Variants in PRKACA observed in about 807,000 individuals in gnomAD.
PRKACA encodes the protein protein kinase cAMP-activated catalytic subunit alpha.
Under a neutral mutation model 45.8 loss-of-function variants are expected in PRKACA, and 9 were observed. The observed-to-expected ratio is 0.20, with a 90% CI of 0.12 to 0.34. The LOEUF is 0.34. Among genes scored for constraint, PRKACA ranks in the 10% least tolerant of loss-of-function variants. The pLI is 1.00. For synonymous variants in PRKACA, 160 were observed against 178.6 expected (o/e 0.90, Z 0.83); for missense variants, 238 against 458.6 (o/e 0.52, Z 4.39).
chr19:14,104,247 G>C (rs1977533376), intron 3 of PRKACA, among the ~76,000 whole-genome samples: 1 of 148,366 alleles, frequency 6.7e-6, no homozygotes, highest in East Asian at 2.1e-4. Flanking sequence ...TGAGGCAGGA[G>C]AATGGCATGA....
At chr19:14,094,693 C>T (rs560625913) in intron 8 of PRKACA, among the ~76,000 whole-genome samples, 8 of 152,322 alleles carry the variant, frequency 5.3e-5, no homozygotes, top group Middle Eastern at 3.4e-3. Flanking sequence ...GACTCTAGAA[C>T]TTGCATTCTC....
In PRKACA at chr19:14,097,678, T is replaced by C. The variant is rs1414904886; in HGVS notation, c.547-4A>G. Reference sequence around the variant, plus strand: ...TGGCGAAACCGAAGTCTGTCACCTGTGGGCACAAGAACAGGCAGTTGGCAG... The same window carrying C: ...TGGCGAAACCGAAGTCTGTCACCTGCGGGCACAAGAACAGGCAGTTGGCAG... On this transcript the variant is annotated splice_polypyrimidine_tract_variant and splice_region_variant and intron_variant, in intron 6 of 9. Coordinates refer to ENST00000308677, the MANE Select transcript of PRKACA (RefSeq NM_002730.4). This position sits in a 1 kb window ranked among gnomAD's most constrained non-coding sequence, Gnocchi z 5.4. 1 of 1,610,300 alleles carries C rather than the reference T, an allele frequency of 6.2e-7. No homozygotes were observed. Among genetic ancestry groups the C allele is most frequent in the Non-Finnish European group, 8.5e-7 (1 of 1,177,418 alleles).
intron 1 of PRKACA, among the ~76,000 whole-genome samples, chr19:14,116,738 C>T (rs1967114202): frequency 6.6e-6 from 1 of 152,056 alleles, no homozygotes; most frequent in Non-Finnish European, 1.5e-5. Flanking sequence ...GCTTTGGAAG[C>T]ACTGAAGCAA....
chr19:14,117,124 G>A (rs1264940004), intron 1 of PRKACA, among the ~76,000 whole-genome samples: 2 of 151,626 alleles, frequency 1.3e-5, no homozygotes, highest in East Asian at 1.9e-4. Context: ...TCGGGGTCAG[G>A]CAGAGGATCC....
rs1967137740 is a variant in PRKACA at position 14,117,614 on chromosome 19, C to T, written c.-67G>A. 5.4e-6 allele frequency: 5 copies of T among 929,016 alleles called. No homozygotes were observed. Among genetic ancestry groups the T allele is most frequent in the Non-Finnish European group, 6.4e-6 (5 of 780,714 alleles). 57.5% of individuals were successfully genotyped at this position (929,016 alleles called of 1,614,324 possible). A position where few individuals can be genotyped will look rare whatever the true frequency, so the allele number is the denominator to read the frequency against. ...GGCGGGTGCTGGCTGCGGCCGGCGG[C>T]CCCGGAGCGCGCTGGGCGGCGGCGG... On this transcript the variant is annotated 5_prime_UTR_variant, in exon 1 of 10. Transcript: ENST00000308677.
chr19:14,105,224 T>A (rs1977567447), intron 3 of PRKACA, among the ~76,000 whole-genome samples: 1 of 152,084 alleles, frequency 6.6e-6, no homozygotes, highest in East Asian at 1.9e-4. Context: ...TTAAAACATA[T>A]CATTAGGCCA....
chr19:14,111,515 T>A (rs190952056), intron 1 of PRKACA, among the ~76,000 whole-genome samples: 10 of 152,240 alleles, frequency 6.6e-5, no homozygotes, highest in African/African-American at 2.2e-4. Context: ...GAGTCCTAGA[T>A]GGGTGCCTGG....
chr19:14,096,770 C>T, intron 8 of PRKACA: 1 of 174,880 alleles, frequency 5.7e-6, no homozygotes, highest in South Asian at 1.2e-4. Context: ...AGCCTGTTTC[C>T]TCACCTCTCC....
intron 1 of PRKACA, among the ~76,000 whole-genome samples, chr19:14,110,945 G>C (rs1966947493): frequency 6.6e-6 from 1 of 152,208 alleles, no homozygotes; most frequent in East Asian, 1.9e-4. Flanking sequence ...ATGTTCCTGG[G>C]TTTGCTGCCA....
chr19:14,106,653 CAAAA>C, intron 3 of PRKACA, 103 bp downstream of exon 3: 5 of 1,475,568 alleles, frequency 3.4e-6, no homozygotes, highest in Non-Finnish European at 3.7e-6. Context: ...GACTCTGAAT[CAAAA>C]AAAAGCAAGT....
At position 14,097,989 on chromosome 19, in the gene PRKACA, G is replaced by A; in HGVS notation, c.420-99C>T. On this transcript the variant is annotated intron_variant, in intron 5 of 9. Transcript: ENST00000308677. The surrounding 1 kb of genome is among the most constrained non-coding windows in gnomAD (Gnocchi z 5.4). ...CCTACCCCAGAGGAAGACACCTCCA[G>A]TCCAGCCGTCAGAAACGCAAGGCAC... The A allele has an allele frequency of 6.8e-6, 10 of 1,480,308 alleles. No individual in the cohort carries two copies. Among genetic ancestry groups the A allele is most frequent in the Non-Finnish European group, 9.2e-6 (10 of 1,085,784 alleles). The allele number at this position is 1,480,308 out of a possible 1,614,324, so 91.7% of individuals were successfully genotyped here.
rs1307908504 is a variant in PRKACA at position 14,096,040 on chromosome 19, T to TTG, written c.765+1320_765+1321insCA. Among the ~76,000 whole-genome samples, 714 of 144,634 alleles carry TTG rather than the reference T, an allele frequency of 4.9e-3. 7 individuals are homozygous for TTG. Among genetic ancestry groups the TTG allele is most frequent in the African/African-American group, 0.018 (683 of 38,532 alleles). 94.9% of individuals were successfully genotyped at this position (144,634 alleles called of 152,430 possible). On this transcript the variant is annotated intron_variant, in intron 8 of 9. Coordinates refer to ENST00000308677, the MANE Select transcript of PRKACA (RefSeq NM_002730.4). ...CGCCCAGCTAATTTTTAGTTTTTTT[T>TTG]TTTTTTTTTTTTTTTTGAGACAGAG...
rs1283109229 is a variant in PRKACA at position 14,097,507 on chromosome 19, G to C, written c.643-24C>G. On this transcript the variant is annotated intron_variant, in intron 7 of 9. Transcript: ENST00000308677. The surrounding 1 kb of genome is among the most constrained non-coding windows in gnomAD (Gnocchi z 5.4). ...CCCTGGAGCAAGATGGGGGGGCACA[G>C]GGTGAGGAGGAGGCGAGAGCAGGAG... The C allele has an allele frequency of 1.2e-6, 2 of 1,613,910 alleles. No individual in the cohort carries two copies. The highest frequency in any genetic ancestry group is 1.3e-5 in the African/African-American group (1 of 74,930).
At position 14,100,822 on chromosome 19, in the gene PRKACA, T is replaced by C; in HGVS notation, c.419+4A>G. 1.2e-6 allele frequency: 2 copies of C among 1,613,960 alleles called. No homozygotes were observed. Among genetic ancestry groups the C allele is most frequent in the South Asian group, 2.2e-5 (2 of 91,080 alleles). On this transcript the variant is annotated splice_donor_region_variant and intron_variant, in intron 5 of 9. Transcript: ENST00000308677. ...CCTGATGTGATGGGGGGTGGCCCGC[T>C]TACCTGAACCTTCCGATCCGCCGTA...
chr19:14,109,965 AATATAT>A (rs1188333013), intron 1 of PRKACA, among the ~76,000 whole-genome samples: 272 of 23,688 alleles, frequency 0.011, 11 homozygotes, highest in African/African-American at 0.024. Context: ...AAAAAAAAAA[AATATAT>A]ATATATATAT....
intron 2 of PRKACA, 63 bp downstream of exon 2, chr19:14,107,285 C>G: frequency 6.6e-7 from 1 of 1,510,498 alleles, no homozygotes; most frequent in Non-Finnish European, 9.1e-7. Flanking sequence ...GTTGCTGGGA[C>G]ACAGCCAGGG....
chr19:14,094,643 T>C (rs945463724), intron 8 of PRKACA, among the ~76,000 whole-genome samples: 2 of 152,204 alleles, frequency 1.3e-5, no homozygotes, highest in African/African-American at 2.4e-5. Flanking sequence ...CTAGGTCACA[T>C]TGAGGTGTGT....
At chr19:14,096,041 T>G (rs1018500243) in intron 8 of PRKACA, among the ~76,000 whole-genome samples, 2 of 143,424 alleles carry the variant, frequency 1.4e-5, no homozygotes, top group Non-Finnish European at 3.0e-5. Context: ...AGTTTTTTTT[T>G]TTTTTTTTTT....
At chr19:14,115,804 G>C (rs1159762422) in intron 1 of PRKACA, among the ~76,000 whole-genome samples, 2 of 152,010 alleles carry the variant, frequency 1.3e-5, no homozygotes, top group South Asian at 4.1e-4. Context: ...CTGAGCTACC[G>C]CAATATATAG....
Sources: gnomAD v4.1 joint callset for allele counts (sites outside exome capture counted in the v4.1 genomes callset) on GRCh38, gnomAD v4.1.1 for gene constraint, Gnocchi (gnomAD v3.1) non-coding constraint, MANE v1.5 for transcripts, NCBI Gene and HGNC (gene_info 2026-07-23, HGNC 2026-07-21) for gene names.